CYB561A3: variants seen among roughly 807,000 people sequenced by gnomAD.
The protein encoded by CYB561A3 is lysosomal membrane ascorbate-dependent ferrireductase CYB561A3.
A neutral mutation model predicts 25.3 loss-of-function variants in CYB561A3; 16 were observed. That is an observed-to-expected ratio of 0.63 (90% CI 0.43 to 0.96). The LOEUF is 0.96. Ranked by LOEUF, CYB561A3 falls within the 40% of genes least tolerant of loss-of-function variation. The pLI, the probability that CYB561A3 is intolerant of heterozygous loss-of-function variation, is 0.00. For missense variants in CYB561A3, 219 were observed against 307.5 expected (o/e 0.71, Z 2.15); for synonymous variants, 131 against 129.9 (o/e 1.01, Z -0.06).
chr11:61,357,204 C>G (rs1316615157), intron 2 of CYB561A3: 1 of 1,551,484 alleles, frequency 6.4e-7, no homozygotes. Flanking sequence ...CACTATTACC[C>G]TAGACAGGAA....
intron 6 of CYB561A3, 170 bp from the exon 7 acceptor site, chr11:61,350,592 A>G: frequency 1.3e-6 from 1 of 782,742 alleles, no homozygotes; most frequent in Non-Finnish European, 2.1e-6. Flanking sequence ...GTCTCCCTAC[A>G]TCCCATCAAG....
intron 3 of CYB561A3, chr11:61,354,309 A>T: frequency 2.6e-6 from 1 of 378,240 alleles, no homozygotes; most frequent in Non-Finnish European, 5.0e-6. Context: ...GTGAGCTATG[A>T]TCATGCCACT....
chr11:61,355,403 G>C (rs1337370268), intron 3 of CYB561A3, among the ~76,000 whole-genome samples: 1 of 152,126 alleles, frequency 6.6e-6, no homozygotes, highest in Non-Finnish European at 1.5e-5. Context: ...TCCCAGGTTG[G>C]GCGCAGTGGC....
At chr11:61,353,686 A>T in intron 4 of CYB561A3, 98 bp downstream of exon 4, 1 of 1,265,216 alleles carries the variant, frequency 7.9e-7, no homozygotes, top group Non-Finnish European at 1.1e-6. Context: ...TCCCTCTCCA[A>T]GCAGTGAGCA....
At position 61,353,758 on chromosome 11, in the gene CYB561A3, CGAG is replaced by C. The variant is rs1452497946; in HGVS notation, c.393+23_393+25del. The C allele has an allele frequency of 1.1e-5, 17 of 1,613,302 alleles. No homozygotes were observed. The African/African-American group carries it at 1.1e-4, about 10-fold the overall frequency. On this transcript the variant is annotated intron_variant, in intron 4 of 6. Transcript: ENST00000294072. ...CCAGAGCTCATGGCTCTGGGAACCT[CGAG>C]GAGGAGAACAGAGAGAACCCACCTG... is the stretch of plus-strand genomic sequence containing the variant.
intron 1 of CYB561A3, chr11:61,358,635 A>C (rs1857731484): frequency 6.6e-6 from 1 of 152,246 alleles, no homozygotes. Flanking sequence ...AGGCTGAGGC[A>C]GGAAAATCGC....
intron 6 of CYB561A3, chr11:61,350,653 G>A (rs1857357709): frequency 1.6e-6 from 1 of 608,288 alleles, no homozygotes; most frequent in African/African-American, 1.8e-5. Context: ...CACTAGACTA[G>A]CCCCCAGGCT....
intron 1 of CYB561A3, chr11:61,358,987 G>C (rs1393698500): frequency 6.6e-6 from 1 of 152,242 alleles, no homozygotes; most frequent in Non-Finnish European, 1.5e-5. Context: ...ACTTTGGGAG[G>C]CCGACGCGGA....
chr11:61,353,423 C>T (rs549357173), intron 4 of CYB561A3: 4 of 610,344 alleles, frequency 6.6e-6, no homozygotes, highest in African/African-American at 1.8e-5. Flanking sequence ...ACTCTTCACT[C>T]GCACAGGCCT....
intron 2 of CYB561A3, 134 bp from the exon 3 acceptor site, chr11:61,356,862 G>A: frequency 6.8e-7 from 1 of 1,460,708 alleles, no homozygotes; most frequent in Admixed American, 2.6e-5. Flanking sequence ...CATCAGCCTG[G>A]GCACCACCCC....
At chr11:61,357,081 C>T (rs938672353) in intron 2 of CYB561A3, 7 of 1,424,294 alleles carry the variant, frequency 4.9e-6, no homozygotes, top group African/African-American at 1.4e-5. Context: ...CACCCCATAC[C>T]CCCCAGGAAA....
chr11:61,350,757 TGGG>T (rs1301618124), intron 6 of CYB561A3: 1 of 614,516 alleles, frequency 1.6e-6, no homozygotes, highest in East Asian at 2.9e-5. Context: ...CACAGTGATT[TGGG>T]GGGGAAATTC....
intron 5 of CYB561A3, 163 bp downstream of exon 5, chr11:61,352,822 T>C: frequency 6.9e-7 from 1 of 1,456,490 alleles, no homozygotes; most frequent in African/African-American, 1.4e-5. Flanking sequence ...GACTTACCAA[T>C]TTCAACCTAA....
At chr11:61,353,308 AC>A in intron 4 of CYB561A3, 169 bp from the exon 5 acceptor site, 1 of 833,620 alleles carries the variant, frequency 1.2e-6, no homozygotes. Context: ...GTGGCCTATT[AC>A]CCAAGCAACA....
intron 4 of CYB561A3, chr11:61,353,523 C>T: frequency 1.5e-6 from 1 of 679,796 alleles, no homozygotes; most frequent in Non-Finnish European, 2.7e-6. Context: ...TGATTAGAGT[C>T]AGCATAGTGC....
chr11:61,352,642 CAG>C (rs1480860361), intron 5 of CYB561A3: 1 of 361,524 alleles, frequency 2.8e-6, no homozygotes, highest in Non-Finnish European at 4.4e-6. Context: ...GCCTGGGCGA[CAG>C]AGTGAGACTC....
chr11:61,349,282 A>G lies in CYB561A3; in HGVS notation c.*1117T>C, dbSNP rs1045610157. On this transcript the variant is annotated 3_prime_UTR_variant, in exon 7 of 7. Transcript: ENST00000294072. ...AAGCAGCCATGGTGGGGCCAGGTGA[A>G]GCAATGTGGGTCTCAGCAAGGAACC... 4.5e-6 allele frequency: 2 copies of G among 445,206 alleles called. No individual in the cohort carries two copies. Among genetic ancestry groups the G allele is most frequent in the Middle Eastern group, 1.3e-3 (2 of 1,566 alleles). The allele number at this position is 445,206 out of a possible 1,614,324, so 27.6% of individuals were successfully genotyped here. A position where few individuals can be genotyped will look rare whatever the true frequency, so the allele number is the denominator to read the frequency against.
intron 4 of CYB561A3, 175 bp downstream of exon 4, chr11:61,353,609 G>T: frequency 1.3e-6 from 1 of 785,508 alleles, no homozygotes; most frequent in Non-Finnish European, 2.2e-6. Flanking sequence ...AACAGGGTAA[G>T]TTCAGGCCAC....
rs1453929450 is a variant in CYB561A3 at position 61,353,148 on chromosome 11, A to C, written c.394-9T>G. The stretch of plus-strand genomic sequence containing the variant: ...GCAAAGCCCAGGAACCACTGTGGAC[A>C]AAAGGGAGGACACACCCGACTGTGC... On this transcript the variant is annotated splice_polypyrimidine_tract_variant and intron_variant, in intron 4 of 6. Coordinates refer to ENST00000294072, the MANE Select transcript of CYB561A3 (RefSeq NM_153611.6). 4.4e-6 allele frequency: 7 copies of C among 1,595,544 alleles called. No homozygotes were observed. The highest frequency in any genetic ancestry group is 6.0e-6 in the Non-Finnish European group (7 of 1,172,060).
Sources: gnomAD v4.1 joint callset for allele counts (sites outside exome capture counted in the v4.1 genomes callset) on GRCh38, gnomAD v4.1.1 for gene constraint, MANE v1.5 for transcripts, NCBI Gene and HGNC (gene_info 2026-07-23, HGNC 2026-07-21) for gene names.